Variants in CNTNAP4 observed in about 807,000 individuals in gnomAD.
The protein encoded by CNTNAP4 is contactin associated protein family member 4, also known as contactin-associated protein-like 4.
In CNTNAP4, 98 loss-of-function variants were observed where a neutral mutation model predicts 148.4. That is an observed-to-expected ratio of 0.66 (90% confidence interval 0.56 to 0.78). The LOEUF is 0.78. Among genes scored for constraint, CNTNAP4 ranks in the 30% least tolerant of loss-of-function variants. The pLI is 0.00. For synonymous variants in CNTNAP4, 730 were observed against 565.1 expected (o/e 1.29, Z -4.14); for missense variants, 1,935 against 1,565.6 (o/e 1.24, Z -3.98).
intron 3 of CNTNAP4, among the ~76,000 whole-genome samples, chr16:76,409,768 G>A (rs2078726807): frequency 2.0e-5 from 3 of 151,796 alleles, no homozygotes; most frequent in Admixed American, 2.0e-4. Context: ...ATATAGAGAG[G>A]CGTTGCTATT....
chr16:76,416,322 A>G (rs758349254), intron 3 of CNTNAP4, among the ~76,000 whole-genome samples: 1 of 151,200 alleles, frequency 6.6e-6, no homozygotes, highest in African/African-American at 2.4e-5. Flanking sequence ...TTCAATTCTA[A>G]ATTCTCTAAT....
At chr16:76,453,837 G>A (rs2080615913) in intron 8 of CNTNAP4, among the ~76,000 whole-genome samples, 1 of 152,064 alleles carries the variant, frequency 6.6e-6, no homozygotes, top group South Asian at 2.1e-4. Flanking sequence ...TTTTTAAAGA[G>A]ATACTATGCT....
At chr16:76,347,304 C>G (rs923034011) in intron 2 of CNTNAP4, among the ~76,000 whole-genome samples, 2 of 152,058 alleles carry the variant, frequency 1.3e-5, no homozygotes, top group African/African-American at 4.8e-5. Flanking sequence ...CCATGTTATA[C>G]CCACGTGACT....
At chr16:76,465,545 C>T (rs533456204) in intron 9 of CNTNAP4, among the ~76,000 whole-genome samples, 10 of 152,184 alleles carry the variant, frequency 6.6e-5, no homozygotes, top group African/African-American at 1.2e-4. Flanking sequence ...TGTCAGGAAA[C>T]GCCACCTGGA....
chr16:76,439,443 G>C (rs1350747594), intron 4 of CNTNAP4, among the ~76,000 whole-genome samples: 14 of 152,066 alleles, frequency 9.2e-5, no homozygotes. Context: ...GAATTTTTCA[G>C]TACATAGCCA....
At chr16:76,485,828 A>C (rs763710509) in intron 12 of CNTNAP4, among the ~76,000 whole-genome samples, 7 of 152,332 alleles carry the variant, frequency 4.6e-5, no homozygotes, top group Non-Finnish European at 8.8e-5. Flanking sequence ...ATAACTGTCC[A>C]TTATTCAAAT....
chr16:76,467,769 C>T (rs1568294745), intron 10 of CNTNAP4, among the ~76,000 whole-genome samples: 2 of 152,088 alleles, frequency 1.3e-5, no homozygotes, highest in Admixed American at 6.5e-5. Context: ...GCTACCAGTT[C>T]GCCAAAGATA....
At chr16:76,524,218 CTT>C (rs1478284016) in intron 17 of CNTNAP4, among the ~76,000 whole-genome samples, 2 of 152,196 alleles carry the variant, frequency 1.3e-5, no homozygotes, top group African/African-American at 4.8e-5. Flanking sequence ...TAATCATGAT[CTT>C]GTGACCACTT....
intron 1 of CNTNAP4, chr16:76,316,104 T>G (rs1961708570): frequency 4.6e-6 from 2 of 434,242 alleles, no homozygotes; most frequent in Non-Finnish European, 8.0e-6. Flanking sequence ...CCTTAAGTAT[T>G]TAATTTTCAT....
chr16:76,305,775 C>A (rs1036039647), intron 1 of CNTNAP4, among the ~76,000 whole-genome samples: 2 of 152,100 alleles, frequency 1.3e-5, no homozygotes, highest in African/African-American at 4.8e-5. Context: ...GAGACTAGCA[C>A]CCAACAGGTA....
At chr16:76,475,336 T>A (rs573834944) in intron 10 of CNTNAP4, among the ~76,000 whole-genome samples, 1 of 152,282 alleles carries the variant, frequency 6.6e-6, no homozygotes, top group African/African-American at 2.4e-5. Context: ...CTAAACTACC[T>A]CAAGCTAGTT....
intron 1 of CNTNAP4, among the ~76,000 whole-genome samples, chr16:76,284,918 A>G (rs576030581): frequency 5.5e-4 from 84 of 152,072 alleles, no homozygotes; most frequent in Non-Finnish European, 1.1e-3. Flanking sequence ...AAGCAAAGAT[A>G]CTTTTGTTTC....
At chr16:76,518,531 T>A (rs566258551) in intron 15 of CNTNAP4, among the ~76,000 whole-genome samples, 1 of 152,270 alleles carries the variant, frequency 6.6e-6, no homozygotes, top group South Asian at 2.1e-4. Flanking sequence ...TTATTTAAAT[T>A]TTTTTCTAGA....
At chr16:76,455,525 T>G (rs761472056) in intron 8 of CNTNAP4, among the ~76,000 whole-genome samples, 1 of 152,212 alleles carries the variant, frequency 6.6e-6, no homozygotes, top group East Asian at 1.9e-4. Context: ...TTCCTAACTT[T>G]CGGGCTGTAA....
At chr16:76,362,017 GT>G (rs146964902) in intron 3 of CNTNAP4, among the ~76,000 whole-genome samples, 7,434 of 151,992 alleles carry the variant, frequency 0.049, 248 homozygotes, top group Middle Eastern at 0.095. Flanking sequence ...TTAAAATCAG[GT>G]TTTTTCCCCT....
At chr16:76,496,338 A>G (rs938057203) in intron 14 of CNTNAP4, among the ~76,000 whole-genome samples, 6 of 152,210 alleles carry the variant, frequency 3.9e-5, no homozygotes, top group East Asian at 1.9e-4. Context: ...CTAATCATCA[A>G]TAACTCTCCA....
chr16:76,408,872 A>G (rs2078697242), intron 3 of CNTNAP4, among the ~76,000 whole-genome samples: 1 of 151,998 alleles, frequency 6.6e-6, no homozygotes, highest in Non-Finnish European at 1.5e-5. Context: ...TACCTCATCC[A>G]CTATCTGCCA....
intron 1 of CNTNAP4, among the ~76,000 whole-genome samples, chr16:76,292,847 A>G (rs1221255952): frequency 3.3e-5 from 5 of 152,230 alleles, no homozygotes; most frequent in Non-Finnish European, 5.9e-5. Flanking sequence ...AACACTTCAG[A>G]TTTAGAATTT....
intron 3 of CNTNAP4, among the ~76,000 whole-genome samples, chr16:76,355,792 C>T (rs1199979706): frequency 6.6e-6 from 1 of 151,116 alleles, no homozygotes; most frequent in African/African-American, 2.4e-5. Flanking sequence ...ATAAATAAGA[C>T]TTGTATAAAA....
Sources: allele counts gnomAD v4.1 joint callset (sites outside exome capture counted in the v4.1 genomes callset), GRCh38; gene constraint gnomAD v4.1.1; transcripts MANE v1.5; gene names NCBI Gene and HGNC (gene_info 2026-07-23, HGNC 2026-07-21).